ASTN2: variants seen among roughly 807,000 people sequenced by gnomAD.
ASTN2 encodes astrotactin-2.
In ASTN2, 54 loss-of-function variants were observed where a neutral mutation model predicts 139.8. The observed-to-expected ratio is 0.39, with a 90% CI of 0.31 to 0.48. ASTN2 has a LOEUF of 0.48. Ranked by LOEUF, ASTN2 falls within the 20% of genes least tolerant of loss-of-function variation. The pLI is 0.95. For synonymous variants in ASTN2, 756 were observed against 719.5 expected (o/e 1.05, Z -0.81); for missense variants, 1,565 against 1,725.1 (o/e 0.91, Z 1.64).
At chr9:116,635,929 G>A (rs1857051519) in intron 17 of ASTN2, among the ~76,000 whole-genome samples, 1 of 152,208 alleles carries the variant, frequency 6.6e-6, no homozygotes, top group African/African-American at 2.4e-5. Flanking sequence ...AGTGAGAACG[G>A]AGCAAGAAGT....
intron 13 of ASTN2, among the ~76,000 whole-genome samples, chr9:116,791,032 AAAGAAAG>A (rs201463268): frequency 0.079 from 9,544 of 120,950 alleles, 764 homozygotes; most frequent in East Asian, 0.3. Flanking sequence ...AGAAAGAAAG[AAAGAAAG>A]AAAGAAAAGA....
At chr9:117,348,249 C>G (rs1325430644) in intron 1 of ASTN2, among the ~76,000 whole-genome samples, 2 of 152,126 alleles carry the variant, frequency 1.3e-5, no homozygotes, top group Non-Finnish European at 2.9e-5. Context: ...GTAGTTCAGT[C>G]TAAAATTGAC....
chr9:116,529,763 T>G (rs1030177887), intron 19 of ASTN2, among the ~76,000 whole-genome samples: 2 of 151,952 alleles, frequency 1.3e-5, no homozygotes, highest in Non-Finnish European at 2.9e-5. Context: ...CGTTTAAAAG[T>G]GTGGCACTTC....
intron 4 of ASTN2, among the ~76,000 whole-genome samples, chr9:117,124,139 G>C (rs150986838): frequency 2.4e-4 from 37 of 152,222 alleles, no homozygotes; most frequent in African/African-American, 8.2e-4. Flanking sequence ...GATTTCTCAG[G>C]CTTCTTCCAG....
intron 13 of ASTN2, among the ~76,000 whole-genome samples, chr9:116,748,481 A>T (rs1415887539): frequency 6.6e-6 from 1 of 152,160 alleles, no homozygotes; most frequent in Non-Finnish European, 1.5e-5. Context: ...TGTAACTTTC[A>T]GTATGTTTCC....
intron 16 of ASTN2, among the ~76,000 whole-genome samples, chr9:116,652,465 T>C (rs548663862): frequency 6.6e-6 from 1 of 152,350 alleles, no homozygotes; most frequent in Non-Finnish European, 1.5e-5. Flanking sequence ...TTCAGTCTTC[T>C]GTCAACCTAC....
intron 16 of ASTN2, chr9:116,697,700 T>C: frequency 1.2e-6 from 2 of 1,611,994 alleles, no homozygotes; most frequent in Non-Finnish European, 1.7e-6. Context: ...ACTGTGCTGT[T>C]CAGTTCTGAG....
In ASTN2 at chr9:117,057,579, T is replaced by C. The variant is rs145879123; in HGVS notation, c.1277-17614A>G. 5.5e-3 allele frequency among the ~76,000 whole-genome samples: 838 copies of C among 152,310 alleles called. 4 individuals carry two copies. Among genetic ancestry groups the C allele is most frequent in the Non-Finnish European group, 7.4e-3 (505 of 68,034 alleles). The stretch of plus-strand genomic sequence containing the variant: ...TTTTATAGAAATCTATGTATATATG[T>C]GAAGATGTGAAGATGTGTGTAAGTG... On this transcript the variant is annotated intron_variant, in intron 5 of 22. Transcript: ENST00000313400.
chr9:116,462,849 T>C (rs1307198546), intron 20 of ASTN2, among the ~76,000 whole-genome samples: 2 of 150,538 alleles, frequency 1.3e-5, no homozygotes, highest in Non-Finnish European at 2.9e-5. Flanking sequence ...TATATACAAT[T>C]TGCATATGGC....
intron 5 of ASTN2, among the ~76,000 whole-genome samples, chr9:117,068,456 G>C (rs1246598998): frequency 1.1e-5 from 1 of 94,424 alleles, no homozygotes; most frequent in Non-Finnish European, 2.2e-5. Context: ...CAAGGATATT[G>C]GTCGAAAATT....
At chr9:116,682,083 C>G (rs975673059) in intron 16 of ASTN2, among the ~76,000 whole-genome samples, 7 of 151,582 alleles carry the variant, frequency 4.6e-5, no homozygotes, top group African/African-American at 1.7e-4. Context: ...TCAGAGTGAA[C>G]AGGCAACCTA....
At chr9:117,053,583 C>T (rs1456630107) in intron 5 of ASTN2, among the ~76,000 whole-genome samples, 1 of 152,176 alleles carries the variant, frequency 6.6e-6, no homozygotes, top group Non-Finnish European at 1.5e-5. Flanking sequence ...TGGATTCAAG[C>T]CAGGTCTGTT....
chr9:116,855,758 T>C (rs528892070), intron 11 of ASTN2, among the ~76,000 whole-genome samples: 1 of 152,274 alleles, frequency 6.6e-6, no homozygotes, highest in East Asian at 1.9e-4. Flanking sequence ...TGGGCAAGTT[T>C]CTCATACTTT....
Position 117,406,894 on chromosome 9 carries a change from ACACAC to A in ASTN2, c.442+7598_442+7602del, listed in dbSNP as rs1214991531. On this transcript the variant is annotated intron_variant, in intron 1 of 22. Transcript: ENST00000313400. ...CACACACACACACACACACACACAC[ACACAC>A]AACACAGAGGGATAAAAGCTCTCTG... Among the ~76,000 whole-genome samples, 5 of 128,212 alleles carry A rather than the reference ACACAC, an allele frequency of 3.9e-5. No homozygotes were observed. The East Asian group carries it at 6.1e-4, about 16-fold the overall frequency. 84.1% of individuals were successfully genotyped at this position (128,212 alleles called of 152,430 possible).
chr9:116,623,486 T>A (rs996582041), intron 17 of ASTN2, among the ~76,000 whole-genome samples: 3 of 152,012 alleles, frequency 2.0e-5, no homozygotes, highest in Admixed American at 2.0e-4. Context: ...CAATGCAGGA[T>A]CACTCTTTCC....
chr9:116,750,356 T>G (rs1178237866), intron 13 of ASTN2, among the ~76,000 whole-genome samples: 1 of 152,186 alleles, frequency 6.6e-6, no homozygotes, highest in African/African-American at 2.4e-5. Flanking sequence ...ATGGCATAAA[T>G]ACAGCTGGTT....
At chr9:116,659,232 T>C (rs1018979265) in intron 16 of ASTN2, among the ~76,000 whole-genome samples, 2 of 152,214 alleles carry the variant, frequency 1.3e-5, no homozygotes, top group African/African-American at 2.4e-5. Context: ...TCTCCAAATA[T>C]ACCATAAGTT....
chr9:116,626,774 G>A (rs1314480057), intron 17 of ASTN2, among the ~76,000 whole-genome samples: 1 of 152,176 alleles, frequency 6.6e-6, no homozygotes, highest in Non-Finnish European at 1.5e-5. Flanking sequence ...GTGCGCCCAT[G>A]CTGACAATAT....
intron 10 of ASTN2, among the ~76,000 whole-genome samples, chr9:116,959,216 G>A (rs1354034646): frequency 6.6e-6 from 1 of 152,184 alleles, no homozygotes; most frequent in African/African-American, 2.4e-5. Flanking sequence ...TCCTGGAGGA[G>A]GTGGTGTGTG....
Sources: allele counts gnomAD v4.1 joint callset (sites outside exome capture counted in the v4.1 genomes callset), GRCh38; gene constraint gnomAD v4.1.1; transcripts MANE v1.5; gene names NCBI Gene and HGNC (gene_info 2026-07-23, HGNC 2026-07-21).